The following PHTF2 variants were observed in gnomAD, a reference collection of about 807,000 sequenced individuals.
The protein encoded by PHTF2 is putative homeodomain transcription factor 2.
In PHTF2, 60 loss-of-function variants were observed where a neutral mutation model predicts 101.2. The ratio of observed to expected loss-of-function variants is 0.59; its 90% CI spans 0.48 to 0.73. The LOEUF is 0.73. PHTF2 is among the 30% of genes least tolerant of loss of function. The pLI, the probability that PHTF2 is intolerant of heterozygous loss-of-function variation, is 0.00. For missense variants in PHTF2, 747 were observed against 908.7 expected (o/e 0.82, Z 2.29); for synonymous variants, 311 against 307.3 (o/e 1.01, Z -0.13).
chr7:77,801,809 T>C (rs1792579335), intron 1 of PHTF2, among the ~76,000 whole-genome samples: 1 of 152,190 alleles, frequency 6.6e-6, no homozygotes, highest in South Asian at 2.1e-4. Flanking sequence ...TCCCAATAAT[T>C]CTTGAGACAA....
chr7:77,943,407 G>A (rs1460336762), intron 16 of PHTF2, among the ~76,000 whole-genome samples: 10 of 152,144 alleles, frequency 6.6e-5, no homozygotes, highest in African/African-American at 2.4e-4. Flanking sequence ...GATTACAGGC[G>A]TGAGCCACAG....
chr7:77,830,647 G>A (rs1795011104), intron 1 of PHTF2, among the ~76,000 whole-genome samples: 1 of 152,156 alleles, frequency 6.6e-6, no homozygotes, highest in African/African-American at 2.4e-5. Context: ...CTTGCGCTGG[G>A]GAGCAGCTGC....
chr7:77,936,659 G>A (rs1464454990), intron 12 of PHTF2, among the ~76,000 whole-genome samples: 1 of 150,870 alleles, frequency 6.6e-6, no homozygotes, highest in Non-Finnish European at 1.5e-5. Flanking sequence ...GAGTAACAGA[G>A]CAAGACTCCG....
chr7:77,913,116 G>A (rs560350172), intron 9 of PHTF2, among the ~76,000 whole-genome samples: 89 of 152,174 alleles, frequency 5.8e-4, no homozygotes, highest in African/African-American at 1.8e-3. Flanking sequence ...GGCTGGGCAC[G>A]GTGGCTCATG....
At chr7:77,823,091 A>C (rs1314802707) in intron 1 of PHTF2, among the ~76,000 whole-genome samples, 1 of 151,180 alleles carries the variant, frequency 6.6e-6, no homozygotes, top group African/African-American at 2.4e-5. Flanking sequence ...TTTTTAGTAG[A>C]GACGGGGTTT....
chr7:77,917,678 G>A (rs1171863740), intron 9 of PHTF2, among the ~76,000 whole-genome samples: 1 of 152,066 alleles, frequency 6.6e-6, no homozygotes, highest in Non-Finnish European at 1.5e-5. Context: ...GGCTGCACCT[G>A]GTACTTTTCT....
chr7:77,836,466 C>T (rs1033678572), intron 1 of PHTF2, among the ~76,000 whole-genome samples: 9 of 152,190 alleles, frequency 5.9e-5, no homozygotes, highest in African/African-American at 1.9e-4. Flanking sequence ...TCTTTTCCCA[C>T]CACCCTGGTC....
intron 1 of PHTF2, among the ~76,000 whole-genome samples, chr7:77,837,656 G>C (rs1356716557): frequency 1.3e-5 from 2 of 151,960 alleles, no homozygotes; most frequent in Non-Finnish European, 2.9e-5. Flanking sequence ...AAAATATTTA[G>C]AACACTTTAT....
chr7:77,861,749 C>G (rs951435926), intron 3 of PHTF2, among the ~76,000 whole-genome samples: 1 of 152,062 alleles, frequency 6.6e-6, no homozygotes, highest in Non-Finnish European at 1.5e-5. Flanking sequence ...ATGGTGAAAC[C>G]TCGTCTCTAC....
chr7:77,901,962 C>T, intron 7 of PHTF2, 42 bp downstream of exon 6: 1 of 1,254,090 alleles, frequency 8.0e-7, no homozygotes, highest in Non-Finnish European at 1.1e-6. Context: ...CAGAATGTTA[C>T]ATTGTTAGGT....
intron 3 of PHTF2, among the ~76,000 whole-genome samples, chr7:77,863,766 C>T (rs1394640959): frequency 6.8e-6 from 1 of 147,490 alleles, no homozygotes; most frequent in African/African-American, 2.5e-5. Context: ...GTATCAGGCA[C>T]TGAGTTCCCT....
intron 1 of PHTF2, among the ~76,000 whole-genome samples, chr7:77,829,904 C>T (rs1257339725): frequency 3.3e-5 from 5 of 152,266 alleles, no homozygotes; most frequent in African/African-American, 9.6e-5. Context: ...TATTATACTT[C>T]ATGATATCTT....
chr7:77,838,647 G>A (rs1268379794), intron 1 of PHTF2, among the ~76,000 whole-genome samples: 1 of 152,108 alleles, frequency 6.6e-6, no homozygotes, highest in Non-Finnish European at 1.5e-5. Context: ...GGGAGGTACA[G>A]TTATTTCTAG....
chr7:77,809,018 A>G (rs1171985117), intron 1 of PHTF2, among the ~76,000 whole-genome samples: 2 of 152,108 alleles, frequency 1.3e-5, no homozygotes, highest in Non-Finnish European at 2.9e-5. Context: ...AAAATATAAA[A>G]AGTACCATTT....
At chr7:77,823,029 C>T (rs1291451144) in intron 1 of PHTF2, among the ~76,000 whole-genome samples, 4 of 151,224 alleles carry the variant, frequency 2.6e-5, no homozygotes, top group Non-Finnish European at 5.9e-5. Flanking sequence ...CTCAGCCTCC[C>T]GAGTAGCTGG....
At chr7:77,849,769 A>G (rs1210114602) in intron 2 of PHTF2, among the ~76,000 whole-genome samples, 2 of 152,170 alleles carry the variant, frequency 1.3e-5, no homozygotes, top group African/African-American at 4.8e-5. Context: ...ATCTGCAGCT[A>G]TTGTAAATGG....
intron 11 of PHTF2, chr7:77,923,926 G>A: frequency 1.0e-6 from 1 of 965,774 alleles, no homozygotes; most frequent in Non-Finnish European, 1.2e-6. Context: ...TTAAAAGGTT[G>A]TTTAAAATCT....
Position 77,904,264 on chromosome 7 carries a change from A to T in PHTF2, c.445+2344A>T, listed in dbSNP as rs144295748. 5.0e-3 allele frequency among the ~76,000 whole-genome samples: 765 copies of T among 152,324 alleles called. 13 individuals are homozygous for T. Among genetic ancestry groups the T allele is most frequent in the African/African-American group, 0.017 (718 of 41,582 alleles). ...CTTTTTTGCCTATGTGTCTTTGGAC[A>T]TGCAACTCCCTTTGCGTGGGGTAGC... On this transcript the variant is annotated intron_variant, in intron 7 of 19. Coordinates refer to ENST00000416283, the Ensembl canonical transcript of PHTF2.
At chr7:77,899,305 G>A (rs1239022999) in intron 5 of PHTF2, among the ~76,000 whole-genome samples, 2 of 151,566 alleles carry the variant, frequency 1.3e-5, no homozygotes, top group Admixed American at 6.6e-5. Context: ...GAAGGTTAAA[G>A]CATCACCTTG....
Sources: allele counts gnomAD v4.1 joint callset (sites outside exome capture counted in the v4.1 genomes callset), GRCh38; gene constraint gnomAD v4.1.1; transcripts MANE v1.5; gene names NCBI Gene and HGNC (gene_info 2026-07-23, HGNC 2026-07-21).